Variants in TRPM3 observed in about 807,000 individuals in gnomAD.
TRPM3 encodes the protein long transient receptor potential channel 3.
Under a neutral mutation model 181.2 loss-of-function variants are expected in TRPM3, and 77 were observed. The ratio of observed to expected loss-of-function variants is 0.42; its 90% CI spans 0.35 to 0.51. TRPM3 has a LOEUF of 0.51. Among genes scored for constraint, TRPM3 ranks in the 20% least tolerant of loss-of-function variants. The pLI is 0.01. For synonymous variants in TRPM3, 745 were observed against 796.4 expected (o/e 0.94, Z 1.09); for missense variants, 1,759 against 2,196.7 (o/e 0.80, Z 3.98).
intron 1 of TRPM3, among the ~76,000 whole-genome samples, chr9:71,087,876 T>A (rs1202169079): frequency 6.6e-6 from 1 of 152,082 alleles, no homozygotes; most frequent in Non-Finnish European, 1.5e-5. Context: ...TACAAAGCAA[T>A]TAAGTATTAG....
At chr9:70,846,178 T>A (rs1468448739) in intron 4 of TRPM3, among the ~76,000 whole-genome samples, 200 bp downstream of exon 4, 1 of 152,232 alleles carries the variant, frequency 6.6e-6, no homozygotes, top group East Asian at 1.9e-4. Context: ...CCATTTCTTA[T>A]GTGTAAGTAA....
At chr9:70,805,415 T>G (rs1010002399) in intron 6 of TRPM3, among the ~76,000 whole-genome samples, 6 of 151,374 alleles carry the variant, frequency 4.0e-5, no homozygotes, top group Admixed American at 6.6e-5. Flanking sequence ...GCGCCTGTAG[T>G]CCCAGCTACT....
At chr9:70,789,868 G>T (rs536339412) in intron 6 of TRPM3, among the ~76,000 whole-genome samples, 1 of 152,314 alleles carries the variant, frequency 6.6e-6, no homozygotes, top group South Asian at 2.1e-4. Flanking sequence ...TCAACTGCTA[G>T]GCAATTCAGC....
Position 71,121,444 on chromosome 9 carries a change from T to C in TRPM3, c.-90A>G. On this transcript the variant is annotated 5_prime_UTR_variant, in exon 1 of 26. Coordinates refer to ENST00000677713, the MANE Select transcript of TRPM3 (RefSeq NM_001366145.2). ...AGTCAAGTAGCCTTGCCTGAGCCCC[T>C]GAACCTTCTTAAAACAGCCACCTCC... 6.7e-7 allele frequency: 1 copy of C among 1,493,540 alleles called. No individual in the cohort carries two copies. Among genetic ancestry groups the C allele is most frequent in the South Asian group, 1.4e-5 (1 of 72,230 alleles). The allele number at this position is 1,493,540 out of a possible 1,614,324, so 92.5% of individuals were successfully genotyped here.
At chr9:71,439,875 C>T (rs1324907328) in intron 1 of TRPM3, among the ~76,000 whole-genome samples, 1 of 152,078 alleles carries the variant, frequency 6.6e-6, no homozygotes, top group South Asian at 2.1e-4. Context: ...AATCCCAGCA[C>T]TTTCGGAGGC....
At chr9:70,754,019 G>C (rs2076634064) in intron 8 of TRPM3, among the ~76,000 whole-genome samples, 1 of 152,090 alleles carries the variant, frequency 6.6e-6, no homozygotes, top group South Asian at 2.1e-4. Flanking sequence ...AAGTCTAAGT[G>C]GTCCTCCTAC....
intron 1 of TRPM3, among the ~76,000 whole-genome samples, chr9:71,253,439 A>G (rs2082476279): frequency 6.6e-6 from 1 of 152,188 alleles, no homozygotes; most frequent in Non-Finnish European, 1.5e-5. Context: ...GAGGCTAGAA[A>G]TGCTGCTAAC....
At chr9:71,281,784 A>G (rs1303008100) in intron 1 of TRPM3, among the ~76,000 whole-genome samples, 2 of 152,208 alleles carry the variant, frequency 1.3e-5, no homozygotes, top group African/African-American at 4.8e-5. Flanking sequence ...AATTGTGGCC[A>G]GGTGCGGTGG....
chr9:70,924,086 G>A (rs1291684374), intron 1 of TRPM3, among the ~76,000 whole-genome samples: 3 of 151,768 alleles, frequency 2.0e-5, no homozygotes, highest in South Asian at 2.1e-4. Flanking sequence ...TAGGACATTT[G>A]GCAATGTCTG....
chr9:70,900,942 A>C (rs1007330621), intron 1 of TRPM3, among the ~76,000 whole-genome samples: 1 of 152,232 alleles, frequency 6.6e-6, no homozygotes, highest in African/African-American at 2.4e-5. Context: ...AAGTGCTTTC[A>C]AAACTATTTT....
At chr9:70,817,534 A>C (rs969533226) in intron 6 of TRPM3, among the ~76,000 whole-genome samples, 1 of 152,200 alleles carries the variant, frequency 6.6e-6, no homozygotes, top group Non-Finnish European at 1.5e-5. Flanking sequence ...CTGTGTCCTA[A>C]CTAAGGCTTT....
intron 1 of TRPM3, among the ~76,000 whole-genome samples, chr9:71,165,044 T>C (rs1341365591): frequency 1.3e-5 from 2 of 152,204 alleles, no homozygotes; most frequent in African/African-American, 2.4e-5. Context: ...TTGTGTCTTA[T>C]TGTCTTTACA....
intron 7 of TRPM3, 87 bp downstream of exon 7, chr9:70,784,018 G>A (rs1360644041): frequency 1.1e-5 from 17 of 1,509,258 alleles, no homozygotes; most frequent in Non-Finnish European, 1.3e-5. Flanking sequence ...TGAGGTCTTG[G>A]TTGAGCTACT....
rs201617810 is a variant in TRPM3, at chr9:71,006,273, AAAG to A, written c.177+114902_177+114904del. Among the ~76,000 whole-genome samples the A allele has an allele frequency of 4.9e-3, 754 of 152,334 alleles. 18 individuals carry two copies. In the East Asian group the frequency reaches 0.077, roughly 16 times the overall value. On this transcript the variant is annotated intron_variant, in intron 1 of 25. Coordinates refer to ENST00000677713, the MANE Select transcript of TRPM3 (RefSeq NM_001366145.2). ...ATCAGAAAATGGTAAAATAGGAAAA[AAAG>A]AAGAATGAATCTACAAAACACCATA...
At chr9:70,839,296 G>A (rs928889410) in intron 5 of TRPM3, among the ~76,000 whole-genome samples, 5 of 152,122 alleles carry the variant, frequency 3.3e-5, no homozygotes, top group Non-Finnish European at 5.9e-5. Flanking sequence ...AAAGACAAAT[G>A]CTCTACACTT....
At position 70,535,341 on chromosome 9, in the gene TRPM3, T is replaced by TA; in HGVS notation, c.*611dup. On this transcript the variant is annotated 3_prime_UTR_variant, in exon 26 of 26. Coordinates refer to ENST00000677713, the MANE Select transcript of TRPM3 (RefSeq NM_001366145.2). ...TAAGAGACAGGTGAACTATGACTGT[T>TA]ACCTTGTTTTTTCTTTATAATGATC... 2.1e-6 allele frequency: 3 copies of TA among 1,426,822 alleles called. No homozygotes were observed. Among genetic ancestry groups the TA allele is most frequent in the Non-Finnish European group, 2.9e-6 (3 of 1,036,862 alleles). 88.4% of individuals were successfully genotyped at this position (1,426,822 alleles called of 1,614,324 possible). A position where few individuals can be genotyped will look rare whatever the true frequency, so the allele number is the denominator to read the frequency against.
intron 1 of TRPM3, among the ~76,000 whole-genome samples, chr9:70,868,651 T>C (rs2095711059): frequency 6.6e-6 from 1 of 152,006 alleles, no homozygotes; most frequent in South Asian, 2.1e-4. Flanking sequence ...CCTTGGAAAG[T>C]GCTATTGCAA....
intron 12 of TRPM3, among the ~76,000 whole-genome samples, chr9:70,632,598 A>T (rs1056860461): frequency 2.0e-5 from 3 of 152,162 alleles, no homozygotes; most frequent in African/African-American, 7.2e-5. Context: ...TTATTTCTAG[A>T]CCAGTTCAGT....
intron 1 of TRPM3, among the ~76,000 whole-genome samples, chr9:71,195,813 T>G (rs2078315872): frequency 6.6e-6 from 1 of 152,014 alleles, no homozygotes; most frequent in Non-Finnish European, 1.5e-5. Context: ...TGCAGAAACA[T>G]GGACAGAGCT....
Sources: allele counts gnomAD v4.1 joint callset (sites outside exome capture counted in the v4.1 genomes callset), GRCh38; gene constraint gnomAD v4.1.1; transcripts MANE v1.5; gene names NCBI Gene and HGNC (gene_info 2026-07-23, HGNC 2026-07-21).